Variants in TRPC6 observed in about 807,000 individuals in gnomAD.
TRPC6 encodes short transient receptor potential channel 6.
TRPC6 carries 55 observed loss-of-function variants against 90.7 expected under a neutral mutation model. The observed-to-expected ratio is 0.61, with a 90% confidence interval of 0.49 to 0.76. TRPC6 has a LOEUF of 0.76. Ranked by LOEUF, TRPC6 falls within the 30% of genes least tolerant of loss-of-function variation. The pLI is 0.00. For missense variants in TRPC6, 989 were observed against 1,122.7 expected, an observed-to-expected ratio of 0.88 and a Z score of 1.70; for synonymous variants, 393 against 393.0, an observed-to-expected ratio of 1.00 and a Z score of 0.00.
At chr11:101,485,408 A>G (rs1251798955) in intron 4 of TRPC6, among the ~76,000 whole-genome samples, 1 of 152,110 alleles carries the variant, frequency 6.6e-6, no homozygotes, top group South Asian at 2.1e-4. Flanking sequence ...TTTAAATATA[A>G]ATAGTTAAAA....
At chr11:101,548,903 T>C (rs981735710) in intron 1 of TRPC6, among the ~76,000 whole-genome samples, 1 of 152,014 alleles carries the variant, frequency 6.6e-6, no homozygotes. Flanking sequence ...CGGTTACATA[T>C]GCATTGACAA....
chr11:101,475,541 T>G (rs1282296959), intron 6 of TRPC6, among the ~76,000 whole-genome samples: 1 of 152,120 alleles, frequency 6.6e-6, no homozygotes, highest in Admixed American at 6.5e-5. Flanking sequence ...AGCTCCCTTA[T>G]TATAAGCTCT....
chr11:101,499,279 G>A (rs1860031031), intron 2 of TRPC6, among the ~76,000 whole-genome samples: 1 of 152,050 alleles, frequency 6.6e-6, no homozygotes, highest in Non-Finnish European at 1.5e-5. Context: ...AAAGCTTAGT[G>A]AGAGTGATTC....
At chr11:101,500,101 C>T (rs1440130165) in intron 2 of TRPC6, among the ~76,000 whole-genome samples, 1 of 144,912 alleles carries the variant, frequency 6.9e-6, no homozygotes, top group African/African-American at 2.5e-5. Context: ...TTTTTCTTTC[C>T]TTAAATATAT....
Position 101,499,697 on chromosome 11 carries a change from G to GTA in TRPC6, c.945+4325_945+4326dup, listed in dbSNP as rs1188176789. Among the ~76,000 whole-genome samples, 11 of 74,850 alleles carry GTA rather than the reference G, an allele frequency of 1.5e-4. 3 individuals carry two copies. The highest frequency in any genetic ancestry group is 1.8e-4 in the Non-Finnish European group (7 of 38,114). The allele number at this position is 74,850 out of a possible 152,430, so 49.1% of individuals were successfully genotyped here. Reference sequence around the variant, plus strand: ...TATATATATACACAATATAAAATGTGTATATATATATACACATTTTATATT... The same window carrying GTA: ...TATATATATACACAATATAAAATGTGTATATATATATATACACATTTTATATT... On this transcript the variant is annotated intron_variant, in intron 2 of 12. Coordinates refer to ENST00000344327, the MANE Select transcript of TRPC6 (RefSeq NM_004621.6).
At chr11:101,532,848 T>C (rs1048428587) in intron 1 of TRPC6, among the ~76,000 whole-genome samples, 4 of 152,116 alleles carry the variant, frequency 2.6e-5, no homozygotes, top group African/African-American at 4.8e-5. Context: ...ACATCAGATT[T>C]CCAAGAACAA....
chr11:101,569,910 A>G (rs559847654), intron 1 of TRPC6, among the ~76,000 whole-genome samples: 35 of 152,240 alleles, frequency 2.3e-4, no homozygotes, highest in Admixed American at 2.2e-3. Flanking sequence ...GCCCACAAGA[A>G]AAAGCATAAG....
chr11:101,471,848 A>G (rs1208742010), intron 8 of TRPC6, among the ~76,000 whole-genome samples: 1 of 152,210 alleles, frequency 6.6e-6, no homozygotes, highest in Non-Finnish European at 1.5e-5. Flanking sequence ...TTTTTTGAAT[A>G]AAATATAAAT....
At chr11:101,567,347 GA>G (rs34489792) in intron 1 of TRPC6, among the ~76,000 whole-genome samples, 2 of 149,242 alleles carry the variant, frequency 1.3e-5, no homozygotes, top group Non-Finnish European at 1.5e-5. Flanking sequence ...GGGCATCTCT[GA>G]AAAAAAAAAG....
intron 5 of TRPC6, among the ~76,000 whole-genome samples, chr11:101,479,709 AGTT>A (rs1365156192): frequency 1.3e-5 from 2 of 152,178 alleles, no homozygotes; most frequent in Admixed American, 1.3e-4. Context: ...AGCTATCCTG[AGTT>A]GTTCATTATT....
chr11:101,503,884 A>C, intron 2 of TRPC6, 140 bp downstream of exon 2: 2 of 1,068,668 alleles, frequency 1.9e-6, no homozygotes, highest in Non-Finnish European at 2.8e-6. Flanking sequence ...AATGATTATA[A>C]TAAAGAGCTT....
intron 1 of TRPC6, among the ~76,000 whole-genome samples, chr11:101,528,659 G>T (rs1860840027): frequency 6.6e-6 from 1 of 152,096 alleles, no homozygotes. Flanking sequence ...CTGTGCAGAT[G>T]CAGGACCATC....
intron 4 of TRPC6, among the ~76,000 whole-genome samples, chr11:101,484,311 G>C (rs1431431930): frequency 6.6e-6 from 1 of 152,066 alleles, no homozygotes; most frequent in Non-Finnish European, 1.5e-5. Flanking sequence ...TTGTTCCTAA[G>C]TTAATACTTC....
intron 1 of TRPC6, among the ~76,000 whole-genome samples, chr11:101,542,141 T>C (rs1861187089): frequency 6.6e-6 from 1 of 152,238 alleles, no homozygotes; most frequent in Admixed American, 6.5e-5. Flanking sequence ...ATGTATTTAT[T>C]GTGTCTTGAT....
At chr11:101,567,710 A>G (rs1861868141) in intron 1 of TRPC6, among the ~76,000 whole-genome samples, 1 of 152,212 alleles carries the variant, frequency 6.6e-6, no homozygotes, top group South Asian at 2.1e-4. Context: ...TCCGCTGGTG[A>G]TAACCCAGGC....
chr11:101,498,737 G>A (rs992324913), intron 2 of TRPC6, among the ~76,000 whole-genome samples: 5 of 152,042 alleles, frequency 3.3e-5, no homozygotes, highest in African/African-American at 1.2e-4. Flanking sequence ...TTTCCAAGTG[G>A]CTGTAGAATA....
At chr11:101,533,609 G>A (rs1252784642) in intron 1 of TRPC6, among the ~76,000 whole-genome samples, 2 of 152,160 alleles carry the variant, frequency 1.3e-5, no homozygotes, top group Non-Finnish European at 2.9e-5. Context: ...AAACTCAAGT[G>A]TCAGGTTCAG....
intron 1 of TRPC6, among the ~76,000 whole-genome samples, chr11:101,546,930 G>A (rs924670723): frequency 2.0e-5 from 3 of 151,992 alleles, no homozygotes; most frequent in Non-Finnish European, 2.9e-5. Flanking sequence ...ATTATCAGGT[G>A]AACAAAATAA....
At chr11:101,507,310 A>C (rs1860297647) in intron 1 of TRPC6, among the ~76,000 whole-genome samples, 2 of 150,736 alleles carry the variant, frequency 1.3e-5, no homozygotes, top group Admixed American at 6.6e-5. Context: ...ATTTTAATAC[A>C]TTCTACATAT....
Sources: allele counts gnomAD v4.1 joint callset (sites outside exome capture counted in the v4.1 genomes callset), GRCh38; gene constraint gnomAD v4.1.1; transcripts MANE v1.5; gene names NCBI Gene and HGNC (gene_info 2026-07-23, HGNC 2026-07-21).